The following PABPC4L variants were observed in gnomAD, a reference collection of about 807,000 sequenced individuals.
PABPC4L encodes poly(A) binding protein cytoplasmic 4 like.
For synonymous variants in PABPC4L, 169 were observed against 164.1 expected (o/e 1.03, Z -0.23); for missense variants, 452 against 451.4 (o/e 1.00, Z -0.01).
chr4:133,985,178 A>T, the PABPC4L span, among the ~76,000 whole-genome samples: 359 of 152,106 alleles, frequency 2.4e-3, 2 homozygotes, highest in South Asian at 6.8e-3. Flanking sequence ...TATATGTCTG[A>T]GATAAACCTG....
chr4:134,183,017 A>T, the PABPC4L span, among the ~76,000 whole-genome samples: 1 of 152,042 alleles, frequency 6.6e-6, no homozygotes, highest in Admixed American at 6.6e-5. Context: ...GGGAATGTAA[A>T]TTAGTTCAGC....
At chr4:134,107,414 T>A in the PABPC4L span, among the ~76,000 whole-genome samples, 18 of 151,440 alleles carry the variant, frequency 1.2e-4, no homozygotes, top group Non-Finnish European at 1.8e-4. Flanking sequence ...GAAATATCAC[T>A]GTTTAATTTA....
the PABPC4L span, among the ~76,000 whole-genome samples, chr4:134,178,489 T>TG: frequency 6.6e-6 from 1 of 151,112 alleles, no homozygotes; most frequent in African/African-American, 2.4e-5. Flanking sequence ...GCCAGAGTGT[T>TG]TTTTTACCTC....
the PABPC4L span, among the ~76,000 whole-genome samples, chr4:134,110,635 T>C: frequency 6.6e-6 from 1 of 151,278 alleles, no homozygotes. Context: ...AGATTGGTTC[T>C]AGGACCTTCT....
At chr4:134,122,593 G>A in the PABPC4L span, among the ~76,000 whole-genome samples, 1 of 151,636 alleles carries the variant, frequency 6.6e-6, no homozygotes, top group Non-Finnish European at 1.5e-5. Flanking sequence ...TCAAAATGTT[G>A]AAAAGCAATT....
the PABPC4L span, among the ~76,000 whole-genome samples, chr4:134,101,446 C>T: frequency 1.3e-5 from 2 of 151,168 alleles, no homozygotes; most frequent in Non-Finnish European, 3.0e-5. Flanking sequence ...AATTCTGATG[C>T]ACGAAAGATG....
chr4:134,036,957 G>A, the PABPC4L span, among the ~76,000 whole-genome samples: 2 of 151,878 alleles, frequency 1.3e-5, no homozygotes, highest in African/African-American at 4.8e-5. Context: ...TCGGGAGGCT[G>A]AGGCAGATGA....
At chr4:134,067,724 A>G in the PABPC4L span, among the ~76,000 whole-genome samples, 1 of 152,192 alleles carries the variant, frequency 6.6e-6, no homozygotes, top group South Asian at 2.1e-4. Flanking sequence ...GATATGTTAT[A>G]TCTTAGCTCT....
chr4:134,090,661 G>T, the PABPC4L span, among the ~76,000 whole-genome samples: 3 of 151,912 alleles, frequency 2.0e-5, no homozygotes, highest in African/African-American at 7.3e-5. Flanking sequence ...TACTTGGGAG[G>T]CTGAGACAAA....
the PABPC4L span, among the ~76,000 whole-genome samples, chr4:134,033,537 T>C: frequency 6.6e-6 from 1 of 151,844 alleles, no homozygotes; most frequent in South Asian, 2.1e-4. Flanking sequence ...AATTTGTAAA[T>C]GCAAAGAAAA....
At chr4:134,055,199 A>T in the PABPC4L span, among the ~76,000 whole-genome samples, 2 of 152,012 alleles carry the variant, frequency 1.3e-5, no homozygotes, top group South Asian at 2.1e-4. Flanking sequence ...TTTGGAGATA[A>T]ATATGACTTT....
chr4:134,094,431 A>G, the PABPC4L span, among the ~76,000 whole-genome samples: 1 of 151,912 alleles, frequency 6.6e-6, no homozygotes, highest in African/African-American at 2.4e-5. Flanking sequence ...TATATACTCT[A>G]TATCATTTTT....
chr4:133,999,905 T>A, the PABPC4L span, among the ~76,000 whole-genome samples: 1 of 152,240 alleles, frequency 6.6e-6, no homozygotes, highest in African/African-American at 2.4e-5. Flanking sequence ...ATTAAAATAT[T>A]AAACTTGATA....
At chr4:133,990,810 G>A in the PABPC4L span, among the ~76,000 whole-genome samples, 2 of 152,148 alleles carry the variant, frequency 1.3e-5, no homozygotes, top group Admixed American at 6.6e-5. Context: ...CAGATTTATC[G>A]AGATAAGTTC....
chr4:134,194,962 C>T (rs1729615557), downstream of PABPC4L, among the ~76,000 whole-genome samples: 1 of 151,650 alleles, frequency 6.6e-6, no homozygotes, highest in African/African-American at 2.4e-5. Flanking sequence ...AGGCATTTAC[C>T]AATATCTTTT....
chr4:134,154,125 A>G, the PABPC4L span, among the ~76,000 whole-genome samples: 1 of 152,120 alleles, frequency 6.6e-6, no homozygotes, highest in African/African-American at 2.4e-5. Flanking sequence ...ATGTATTCTT[A>G]TAGGAAACAT....
At chr4:133,976,791 C>G in the PABPC4L span, among the ~76,000 whole-genome samples, 2 of 152,098 alleles carry the variant, frequency 1.3e-5, no homozygotes, top group Non-Finnish European at 2.9e-5. Context: ...GTCCTTTGCC[C>G]ACTTTTTAAT....
At chr4:134,072,338 T>C in the PABPC4L span, among the ~76,000 whole-genome samples, 1 of 152,150 alleles carries the variant, frequency 6.6e-6, no homozygotes, top group African/African-American at 2.4e-5. Flanking sequence ...ATAGCCCTCT[T>C]TCTGAGCCTT....
At chr4:134,076,938 T>C in the PABPC4L span, among the ~76,000 whole-genome samples, 1 of 152,190 alleles carries the variant, frequency 6.6e-6, no homozygotes, top group African/African-American at 2.4e-5. Context: ...CATAGCAATA[T>C]ATCTCATAAA....
Sources: gnomAD v4.1 joint callset for allele counts (sites outside exome capture counted in the v4.1 genomes callset) on GRCh38, gnomAD v4.1.1 for gene constraint, MANE v1.5 for transcripts, NCBI Gene and HGNC (gene_info 2026-07-23, HGNC 2026-07-21) for gene names.